The following STX8 variants were observed in gnomAD, a reference collection of about 807,000 sequenced individuals.
The protein encoded by STX8 is syntaxin-8.
STX8 carries 23 observed loss-of-function variants against 37.5 expected under a neutral mutation model. The observed-to-expected ratio is 0.61, with a 90% confidence interval of 0.44 to 0.87. The LOEUF (loss-of-function observed/expected upper bound fraction) is 0.87. Among genes scored for constraint, STX8 ranks in the 40% least tolerant of loss-of-function variants. The probability of loss-of-function intolerance (pLI) is 0.00; values close to 1 mark genes in which losing one functional copy is unlikely to be tolerated. For missense variants in STX8, 313 were observed against 284.7 expected (o/e 1.10, Z -0.71); for synonymous variants, 115 against 99.1 (o/e 1.16, Z -0.95).
intron 6 of STX8, among the ~76,000 whole-genome samples, chr17:9,450,576 T>C (rs1905008722): frequency 6.6e-6 from 1 of 151,920 alleles, no homozygotes; most frequent in South Asian, 2.1e-4. Context: ...CTGCGAAGCA[T>C]GCAGCTGCGC....
At chr17:9,327,346 G>T (rs7209221) in intron 7 of STX8, among the ~76,000 whole-genome samples, 1 of 150,246 alleles carries the variant, frequency 6.7e-6, no homozygotes, top group African/African-American at 2.5e-5. Context: ...GAAGGAGGAG[G>T]AGGAGAAGGA....
intron 4 of STX8, among the ~76,000 whole-genome samples, chr17:9,505,513 A>T (rs1298343253): frequency 6.6e-6 from 1 of 152,190 alleles, no homozygotes; most frequent in Non-Finnish European, 1.5e-5. Flanking sequence ...CGGCCTTTTT[A>T]TTAGGACAAA....
chr17:9,415,722 T>C (rs774618685), intron 6 of STX8, among the ~76,000 whole-genome samples: 1 of 152,074 alleles, frequency 6.6e-6, no homozygotes, highest in East Asian at 1.9e-4. Context: ...TGAGCCAAGA[T>C]TGCGCCACTG....
chr17:9,310,550 A>G (rs1182284977), intron 7 of STX8, among the ~76,000 whole-genome samples: 3 of 152,126 alleles, frequency 2.0e-5, no homozygotes, highest in Non-Finnish European at 4.4e-5. Context: ...TAAAGGCTAT[A>G]ATTTATCAAA....
chr17:9,423,016 G>A (rs779608453), intron 6 of STX8, among the ~76,000 whole-genome samples: 16 of 152,172 alleles, frequency 1.1e-4, no homozygotes, highest in Non-Finnish European at 2.2e-4. Context: ...GCATCTCTGG[G>A]ATTAATTAGG....
At chr17:9,270,818 G>A (rs1414681361) in intron 7 of STX8, among the ~76,000 whole-genome samples, 4 of 152,156 alleles carry the variant, frequency 2.6e-5, no homozygotes, top group African/African-American at 9.7e-5. Context: ...TTAGTGATAT[G>A]AATTTAAAAT....
chr17:9,318,949 T>C (rs374815219), intron 7 of STX8, among the ~76,000 whole-genome samples: 12 of 152,056 alleles, frequency 7.9e-5, no homozygotes, highest in African/African-American at 2.7e-4. Flanking sequence ...CCAGTGCGGA[T>C]TGGAGCAGAA....
chr17:9,297,834 G>A (rs1488012417), intron 7 of STX8, among the ~76,000 whole-genome samples: 1 of 152,220 alleles, frequency 6.6e-6, no homozygotes, highest in East Asian at 1.9e-4. Context: ...GATATAGTGA[G>A]TGTCTGTCTC....
intron 4 of STX8, among the ~76,000 whole-genome samples, chr17:9,514,788 T>A (rs138490003): frequency 6.6e-6 from 1 of 152,134 alleles, no homozygotes; most frequent in Non-Finnish European, 1.5e-5. Flanking sequence ...TCCCATATCA[T>A]CCAGAAACAA....
intron 7 of STX8, among the ~76,000 whole-genome samples, chr17:9,373,863 C>T (rs1371058793): frequency 6.6e-6 from 1 of 150,496 alleles, no homozygotes; most frequent in Admixed American, 6.6e-5. Context: ...CGCTCGAACC[C>T]GGAAGGCAGA....
chr17:9,543,943 C>A (rs1454408442), intron 4 of STX8, among the ~76,000 whole-genome samples: 1 of 152,178 alleles, frequency 6.6e-6, no homozygotes, highest in Non-Finnish European at 1.5e-5. Flanking sequence ...ACAGGAAAAT[C>A]AGTTTCATTT....
rs1190426364 is a variant in STX8, at chr17:9,295,781, ATG to A, written c.644-45138_644-45137del. On this transcript the variant is annotated intron_variant, in intron 7 of 7. Coordinates refer to ENST00000306357, the MANE Select transcript of STX8 (RefSeq NM_004853.3). ...AAAAGGAGGCTGGGTGCAGTGGCTC[ATG>A]CCTGTAATCCCAGCACTTTGGGAGG... Among the ~76,000 whole-genome samples, 52 of 124,074 alleles carry A rather than the reference ATG, an allele frequency of 4.2e-4. 1 individual carries two copies. The highest frequency in any genetic ancestry group is 7.3e-4 in the Non-Finnish European group (37 of 50,930). The allele number at this position is 124,074 out of a possible 152,430, so 81.4% of individuals were successfully genotyped here.
In STX8 at chr17:9,447,527, ATTC is replaced by A. The variant is rs1047421598; in HGVS notation, c.541+44299_541+44301del. Among the ~76,000 whole-genome samples, 68 of 152,232 alleles carry A rather than the reference ATTC, an allele frequency of 4.5e-4. 1 individual carries two copies. The highest frequency in any genetic ancestry group is 1.6e-3 in the African/African-American group (67 of 41,562). The stretch of plus-strand genomic sequence containing the variant: ...AACCTCGGCCTCCCGAGTTCAAGCA[ATTC>A]TTCTGCTTCAGCCGCCCCAGTAGCT... On this transcript the variant is annotated intron_variant, in intron 6 of 7. Coordinates refer to ENST00000306357, the MANE Select transcript of STX8 (RefSeq NM_004853.3).
intron 7 of STX8, among the ~76,000 whole-genome samples, chr17:9,335,093 A>G (rs1849289457): frequency 1.3e-5 from 2 of 151,962 alleles, no homozygotes; most frequent in African/African-American, 4.8e-5. Flanking sequence ...CCATCAAACT[A>G]TTCACCCCAC....
At chr17:9,329,286 T>C (rs1909885698) in intron 7 of STX8, among the ~76,000 whole-genome samples, 1 of 152,156 alleles carries the variant, frequency 6.6e-6, no homozygotes, top group Admixed American at 6.5e-5. Flanking sequence ...CCTCCTTTTA[T>C]AGGCATGTTC....
chr17:9,327,274 GGAA>G (rs1909797814), intron 7 of STX8, among the ~76,000 whole-genome samples: 1 of 147,858 alleles, frequency 6.8e-6, no homozygotes, highest in Non-Finnish European at 1.5e-5. Flanking sequence ...GGAGGAAGGA[GGAA>G]GAAGGAAGAA....
At chr17:9,493,573 A>G (rs555268187) in intron 5 of STX8, among the ~76,000 whole-genome samples, 1 of 152,210 alleles carries the variant, frequency 6.6e-6, no homozygotes, top group Non-Finnish European at 1.5e-5. Context: ...GGAGGTTCTG[A>G]CAGCAGGGCA....
intron 7 of STX8, among the ~76,000 whole-genome samples, chr17:9,306,387 G>A (rs1159700934): frequency 2.0e-5 from 3 of 152,014 alleles, no homozygotes; most frequent in South Asian, 2.1e-4. Flanking sequence ...GACAGGGAGC[G>A]GGGAATCAAA....
intron 6 of STX8, among the ~76,000 whole-genome samples, chr17:9,487,220 A>AT (rs1906636836): frequency 6.6e-6 from 1 of 152,222 alleles, no homozygotes; most frequent in South Asian, 2.1e-4. Flanking sequence ...AGTACAACGT[A>AT]TTTTGTTAGT....
Sources: gnomAD v4.1 joint callset for allele counts (sites outside exome capture counted in the v4.1 genomes callset) on GRCh38, gnomAD v4.1.1 for gene constraint, MANE v1.5 for transcripts, NCBI Gene and HGNC (gene_info 2026-07-23, HGNC 2026-07-21) for gene names.